DYNC1I1: variants seen among roughly 807,000 people sequenced by gnomAD.
The protein encoded by DYNC1I1 is dynein cytoplasmic 1 intermediate chain 1.
Under a neutral mutation model 86.6 loss-of-function variants are expected in DYNC1I1, and 43 were observed. The ratio of observed to expected loss-of-function variants is 0.50; its 90% CI spans 0.39 to 0.64. The LOEUF is 0.64. Ranked by LOEUF, DYNC1I1 falls within the 30% of genes least tolerant of loss-of-function variation. The pLI is 0.00. For missense variants in DYNC1I1, 604 were observed against 788.8 expected, an observed-to-expected ratio of 0.77 and a Z score of 2.81; for synonymous variants, 262 against 283.7, an observed-to-expected ratio of 0.92 and a Z score of 0.77.
chr7:95,787,931 G>A (rs184636923), intron 1 of DYNC1I1, among the ~76,000 whole-genome samples: 34 of 152,292 alleles, frequency 2.2e-4, no homozygotes, highest in African/African-American at 6.7e-4. Context: ...GGGAAAATGC[G>A]TAACAGGCAG....
At chr7:96,045,015 TG>T (rs1789166630) in intron 14 of DYNC1I1, among the ~76,000 whole-genome samples, 1 of 151,708 alleles carries the variant, frequency 6.6e-6, no homozygotes, top group Non-Finnish European at 1.5e-5. Flanking sequence ...CTTACCAGAG[TG>T]TGATGGAGGG....
intron 12 of DYNC1I1, among the ~76,000 whole-genome samples, chr7:96,035,093 A>G (rs1046776135): frequency 6.6e-6 from 1 of 152,206 alleles, no homozygotes; most frequent in Non-Finnish European, 1.5e-5. Context: ...CTTATAGCCT[A>G]TTCACCCAAT....
At chr7:95,824,922 A>G (rs1795171162) in intron 4 of DYNC1I1, among the ~76,000 whole-genome samples, 1 of 152,224 alleles carries the variant, frequency 6.6e-6, no homozygotes, top group Non-Finnish European at 1.5e-5. Context: ...CATTTTGCAT[A>G]TTGGCTTTAA....
chr7:96,025,878 G>A (rs1794669785), intron 10 of DYNC1I1, among the ~76,000 whole-genome samples: 1 of 151,992 alleles, frequency 6.6e-6, no homozygotes, highest in Non-Finnish European at 1.5e-5. Context: ...CTGAAACACA[G>A]AAGCAATCAA....
intron 6 of DYNC1I1, among the ~76,000 whole-genome samples, chr7:95,887,881 C>T (rs1376545137): frequency 2.0e-5 from 3 of 152,140 alleles, no homozygotes; most frequent in Non-Finnish European, 1.5e-5. Context: ...TAATCAGACT[C>T]TCAAAGTTAC....
chr7:95,817,789 C>T (rs1799841436), intron 4 of DYNC1I1, among the ~76,000 whole-genome samples: 1 of 152,140 alleles, frequency 6.6e-6, no homozygotes, highest in South Asian at 2.1e-4. Context: ...AGAAGTGAAT[C>T]GATCTAAGTG....
At chr7:95,856,051 G>A (rs972306809) in intron 5 of DYNC1I1, among the ~76,000 whole-genome samples, 1 of 152,010 alleles carries the variant, frequency 6.6e-6, no homozygotes, top group Non-Finnish European at 1.5e-5. Flanking sequence ...TTAGCTTGTT[G>A]ACTCTTTTGT....
At chr7:96,076,237 G>T (rs1331337408) in intron 15 of DYNC1I1, 40 bp downstream of exon 15, 1 of 1,606,998 alleles carries the variant, frequency 6.2e-7, no homozygotes, top group East Asian at 2.2e-5. Context: ...AGGGCTGGGA[G>T]GGGGGCGCAG....
chr7:95,904,627 G>GTA (rs3047717), intron 6 of DYNC1I1, among the ~76,000 whole-genome samples: 79 of 150,608 alleles, frequency 5.2e-4, no homozygotes, highest in East Asian at 2.4e-3. Context: ...ATGTGTGTAT[G>GTA]TATATATATA....
chr7:96,048,266 G>T (rs2116087510), intron 14 of DYNC1I1, among the ~76,000 whole-genome samples: 1 of 152,240 alleles, frequency 6.6e-6, no homozygotes, highest in African/African-American at 2.4e-5. Flanking sequence ...CAAGAATTGT[G>T]TAAAATTGCC....
At chr7:95,892,942 A>G (rs1466491950) in intron 6 of DYNC1I1, among the ~76,000 whole-genome samples, 1 of 152,212 alleles carries the variant, frequency 6.6e-6, no homozygotes, top group Non-Finnish European at 1.5e-5. Context: ...CTCTTAAAAA[A>G]ATTGCCATCT....
chr7:96,002,104 G>T (rs555200438), intron 10 of DYNC1I1, among the ~76,000 whole-genome samples: 1 of 152,040 alleles, frequency 6.6e-6, no homozygotes, highest in African/African-American at 2.4e-5. Context: ...ACCCACCATG[G>T]CCAGGCCCTC....
intron 16 of DYNC1I1, among the ~76,000 whole-genome samples, chr7:96,108,148 A>T (rs1791247893): frequency 6.6e-6 from 1 of 152,198 alleles, no homozygotes; most frequent in Non-Finnish European, 1.5e-5. Flanking sequence ...ACTTTACAAA[A>T]AAATGAATGT....
intron 7 of DYNC1I1, among the ~76,000 whole-genome samples, chr7:95,980,536 CTTTTTTTTTT>C (rs56835338): frequency 3.7e-4 from 20 of 54,428 alleles, no homozygotes; most frequent in Non-Finnish European, 4.8e-4. Context: ...AGAAATCTGG[CTTTTTTTTTT>C]TTTTTTTTTT....
chr7:95,944,966 A>G (rs1792355874), intron 6 of DYNC1I1, among the ~76,000 whole-genome samples: 1 of 151,966 alleles, frequency 6.6e-6, no homozygotes, highest in African/African-American at 2.4e-5. Context: ...TGGCACATGT[A>G]TACATATGTA....
chr7:95,949,778 A>G (rs1779137386), intron 6 of DYNC1I1, among the ~76,000 whole-genome samples: 1 of 152,216 alleles, frequency 6.6e-6, no homozygotes, highest in South Asian at 2.1e-4. Flanking sequence ...TATGTTGTTC[A>G]TCTGATTTAA....
chr7:96,080,108 C>G (rs1403939792), intron 15 of DYNC1I1, among the ~76,000 whole-genome samples: 1 of 152,150 alleles, frequency 6.6e-6, no homozygotes, highest in Non-Finnish European at 1.5e-5. Flanking sequence ...ATGCCACTTA[C>G]TGCCCGGTGA....
chr7:95,897,871 A>G (rs1790928325), intron 6 of DYNC1I1, among the ~76,000 whole-genome samples: 1 of 152,164 alleles, frequency 6.6e-6, no homozygotes, highest in African/African-American at 2.4e-5. Context: ...ACACCAAAAT[A>G]CTGGGCTCCT....
chr7:95,844,739 G>A (rs1789381379), intron 5 of DYNC1I1, among the ~76,000 whole-genome samples: 1 of 152,088 alleles, frequency 6.6e-6, no homozygotes, highest in Admixed American at 6.5e-5. Flanking sequence ...GGGTCTGGGT[G>A]GTGCCATCAG....
Sources: gnomAD v4.1 joint callset for allele counts (sites outside exome capture counted in the v4.1 genomes callset) on GRCh38, gnomAD v4.1.1 for gene constraint, MANE v1.5 for transcripts, NCBI Gene and HGNC (gene_info 2026-07-23, HGNC 2026-07-21) for gene names.